The following HPSE2 variants were observed in gnomAD, a reference collection of about 807,000 sequenced individuals.
HPSE2 encodes inactive heparanase-2.
HPSE2 carries 38 observed loss-of-function variants against 60.5 expected under a neutral mutation model. That is an observed-to-expected ratio of 0.63 (90% CI 0.48 to 0.82). The LOEUF (loss-of-function observed/expected upper bound fraction) is 0.82. HPSE2 is among the 40% of genes least tolerant of loss of function. HPSE2 has a pLI of 0.00. For missense variants in HPSE2, 713 were observed against 740.4 expected, an observed-to-expected ratio of 0.96 and a Z score of 0.43; for synonymous variants, 295 against 293.2, an observed-to-expected ratio of 1.01 and a Z score of -0.06.
chr10:99,136,919 C>T (rs532701583), intron 3 of HPSE2, among the ~76,000 whole-genome samples: 15 of 152,018 alleles, frequency 9.9e-5, no homozygotes, highest in South Asian at 2.1e-4. Flanking sequence ...AGAAATAAAG[C>T]GTATTCAAAT....
intron 2 of HPSE2, among the ~76,000 whole-genome samples, chr10:99,185,016 T>C (rs370418800): frequency 9.0e-4 from 136 of 151,480 alleles, no homozygotes; most frequent in African/African-American, 2.9e-3. Flanking sequence ...AACTTCTAAA[T>C]TGGCTGGGTG....
chr10:98,847,654 T>C (rs1952065627), intron 3 of HPSE2, among the ~76,000 whole-genome samples: 1 of 152,250 alleles, frequency 6.6e-6, no homozygotes, highest in Non-Finnish European at 1.5e-5. Flanking sequence ...ATGGTAGTGG[T>C]GATACATGCA....
chr10:98,963,070 G>A (rs1955721194), intron 3 of HPSE2, among the ~76,000 whole-genome samples: 1 of 152,068 alleles, frequency 6.6e-6, no homozygotes, highest in African/African-American at 2.4e-5. Flanking sequence ...ATCACTTTAA[G>A]GACCTTCAGG....
At chr10:98,963,382 T>A (rs1358304147) in intron 3 of HPSE2, among the ~76,000 whole-genome samples, 1 of 152,130 alleles carries the variant, frequency 6.6e-6, no homozygotes, top group Non-Finnish European at 1.5e-5. Context: ...GTGTTTTCTT[T>A]CAGTCTTTTT....
chr10:98,512,702 A>G (rs1014691726), intron 9 of HPSE2, among the ~76,000 whole-genome samples: 8 of 151,716 alleles, frequency 5.3e-5, no homozygotes, highest in Admixed American at 4.6e-4. Context: ...CTGGCCTTTC[A>G]TGCTTAAGGA....
intron 2 of HPSE2, among the ~76,000 whole-genome samples, chr10:99,159,562 G>A (rs1846737192): frequency 6.6e-6 from 1 of 152,054 alleles, no homozygotes; most frequent in Admixed American, 6.6e-5. Context: ...TAACTTTTCT[G>A]TACAACTTCT....
At chr10:99,215,147 C>T (rs1048599860) in intron 2 of HPSE2, among the ~76,000 whole-genome samples, 1 of 152,120 alleles carries the variant, frequency 6.6e-6, no homozygotes, top group Non-Finnish European at 1.5e-5. Flanking sequence ...AACACATGCA[C>T]CCATATGTTT....
chr10:98,591,216 T>C (rs1452766370), intron 9 of HPSE2, among the ~76,000 whole-genome samples: 3 of 152,178 alleles, frequency 2.0e-5, no homozygotes, highest in Admixed American at 1.3e-4. Context: ...AAAAATGAGA[T>C]AGTAATATTA....
intron 3 of HPSE2, among the ~76,000 whole-genome samples, chr10:98,899,219 A>C (rs1458375169): frequency 6.6e-6 from 1 of 152,242 alleles, no homozygotes; most frequent in Non-Finnish European, 1.5e-5. Flanking sequence ...GATCCAAAAT[A>C]ACTTTATTGC....
At chr10:99,259,506 ATG>A in the HPSE2 span, among the ~76,000 whole-genome samples, 1 of 152,232 alleles carries the variant, frequency 6.6e-6, no homozygotes, top group Admixed American at 6.5e-5. Context: ...AAGAAGATAC[ATG>A]AATCACAAAA....
intron 3 of HPSE2, among the ~76,000 whole-genome samples, chr10:99,051,731 G>C (rs916589211): frequency 1.3e-5 from 2 of 152,162 alleles, no homozygotes; most frequent in East Asian, 3.9e-4. Context: ...TTTTAAGTTT[G>C]AATCCTGTCA....
At chr10:98,758,385 G>A (rs878872591) in intron 3 of HPSE2, among the ~76,000 whole-genome samples, 2 of 150,514 alleles carry the variant, frequency 1.3e-5, no homozygotes, top group Admixed American at 6.6e-5. Context: ...TGAACTATCA[G>A]CAAACAGACA....
At chr10:99,087,191 G>C (rs1272951915) in intron 3 of HPSE2, among the ~76,000 whole-genome samples, 2 of 152,184 alleles carry the variant, frequency 1.3e-5, no homozygotes. Context: ...AAGCATATTT[G>C]CAGATCATAA....
At chr10:98,514,155 A>G (rs1482810004) in intron 9 of HPSE2, among the ~76,000 whole-genome samples, 1 of 152,206 alleles carries the variant, frequency 6.6e-6, no homozygotes, top group Non-Finnish European at 1.5e-5. Context: ...AAAACATGCT[A>G]AGTGAAATAA....
At chr10:98,705,118 A>G (rs184253872) in intron 5 of HPSE2, among the ~76,000 whole-genome samples, 12 of 152,262 alleles carry the variant, frequency 7.9e-5, no homozygotes, top group African/African-American at 2.9e-4. Context: ...ACTTCTCAAA[A>G]GAAGATATTA....
At chr10:99,218,707 T>C (rs1849216189) in intron 2 of HPSE2, among the ~76,000 whole-genome samples, 2 of 152,232 alleles carry the variant, frequency 1.3e-5, no homozygotes, top group South Asian at 2.1e-4. Flanking sequence ...AGGGGTGCCA[T>C]TCATTTGCTT....
chr10:99,253,710 C>T, the HPSE2 span, among the ~76,000 whole-genome samples: 1 of 151,950 alleles, frequency 6.6e-6, no homozygotes, highest in Non-Finnish European at 1.5e-5. Flanking sequence ...ACTACTCACC[C>T]AACAAAGGCT....
At chr10:98,671,799 TAAG>T (rs1947514115) in intron 6 of HPSE2, among the ~76,000 whole-genome samples, 1 of 152,052 alleles carries the variant, frequency 6.6e-6, no homozygotes, top group Non-Finnish European at 1.5e-5. Context: ...ACAGGAAAGG[TAAG>T]AATCTGTAAG....
chr10:98,823,008 G>A (rs1951459422), intron 3 of HPSE2, among the ~76,000 whole-genome samples: 1 of 152,182 alleles, frequency 6.6e-6, no homozygotes, highest in Non-Finnish European at 1.5e-5. Flanking sequence ...ATACAGGTGG[G>A]GTCAAAGTTA....
Sources: gnomAD v4.1 joint callset for allele counts (sites outside exome capture counted in the v4.1 genomes callset) on GRCh38, gnomAD v4.1.1 for gene constraint, MANE v1.5 for transcripts, NCBI Gene and HGNC (gene_info 2026-07-23, HGNC 2026-07-21) for gene names.